Variants in QTGAL observed in about 807,000 individuals in gnomAD.
The protein encoded by QTGAL is queuosine-tRNA galactosyltransferase.
At chr17:83,005,867 G>C in the QTGAL span, 1 of 1,368,844 alleles carries the variant, frequency 7.3e-7, no homozygotes, top group Non-Finnish European at 9.5e-7. This position sits in a 1 kb window ranked among gnomAD's most constrained non-coding sequence, Gnocchi z 5.6. Context: ...GCCCTGCCCG[G>C]CCCCCTCCAG....
the QTGAL span, among the ~76,000 whole-genome samples, chr17:83,010,257 C>G: frequency 6.6e-6 from 1 of 152,130 alleles, no homozygotes; most frequent in Non-Finnish European, 1.5e-5. Flanking sequence ...GGGGCTTCGG[C>G]CGCCACTCCT....
chr17:83,027,940 C>T, the QTGAL span, among the ~76,000 whole-genome samples: 23 of 151,790 alleles, frequency 1.5e-4, no homozygotes, highest in African/African-American at 5.6e-4. Context: ...ATGGGGAAAC[C>T]CCATCTCTAC....
At chr17:82,955,349 T>A in the QTGAL span, among the ~76,000 whole-genome samples, 1 of 152,042 alleles carries the variant, frequency 6.6e-6, no homozygotes, top group East Asian at 1.9e-4. Flanking sequence ...CCAAGAAACA[T>A]GAAAAAAAGC....
chr17:83,036,450 TTA>T, the QTGAL span, among the ~76,000 whole-genome samples: 2 of 152,232 alleles, frequency 1.3e-5, no homozygotes, highest in East Asian at 1.9e-4. Flanking sequence ...TGTGTGCAGC[TTA>T]TGAACCTTCA....
the QTGAL span, among the ~76,000 whole-genome samples, chr17:83,016,416 G>C: frequency 6.6e-6 from 1 of 151,818 alleles, no homozygotes; most frequent in Non-Finnish European, 1.5e-5. Context: ...GCTGAAGAGA[G>C]GAGGCTGGGG....
At chr17:83,019,058 AGACGCACGAT>A in the QTGAL span, among the ~76,000 whole-genome samples, 1 of 152,190 alleles carries the variant, frequency 6.6e-6, no homozygotes, top group Non-Finnish European at 1.5e-5. Flanking sequence ...TGCCACCAGG[AGACGCACGAT>A]GACGCCGCCG....
At chr17:83,038,483 T>A in the QTGAL span, among the ~76,000 whole-genome samples, 2 of 152,194 alleles carry the variant, frequency 1.3e-5, no homozygotes. Flanking sequence ...ACAAGGAGTG[T>A]CACAACAGTC....
the QTGAL span, among the ~76,000 whole-genome samples, chr17:82,964,255 C>CAAAA: frequency 4.5e-3 from 327 of 72,196 alleles, 13 homozygotes; most frequent in African/African-American, 0.016. Context: ...GACCCTGTCT[C>CAAAA]AAAAAAAAAA....
At chr17:82,987,224 CTA>C in the QTGAL span, among the ~76,000 whole-genome samples, 3 of 152,168 alleles carry the variant, frequency 2.0e-5, no homozygotes, top group Non-Finnish European at 2.9e-5. Context: ...TATACACCTA[CTA>C]TGTGTCCATA....
chr17:83,006,734 G>A, the QTGAL span: 1 of 985,374 alleles, frequency 1.0e-6, no homozygotes, highest in Non-Finnish European at 1.2e-6. This position sits in a 1 kb window ranked among gnomAD's most constrained non-coding sequence, Gnocchi z 5.8. Flanking sequence ...TCGGCTCCCA[G>A]GACAGGCTTC....
the QTGAL span, among the ~76,000 whole-genome samples, chr17:82,992,102 C>A: frequency 6.6e-6 from 1 of 152,052 alleles, no homozygotes; most frequent in South Asian, 2.1e-4. Context: ...GAGTTATTGG[C>A]CCTAAAAAGG....
the QTGAL span, among the ~76,000 whole-genome samples, chr17:83,027,519 A>G: frequency 6.6e-6 from 1 of 152,100 alleles, no homozygotes; most frequent in Non-Finnish European, 1.5e-5. Context: ...TGATGTTAAC[A>G]TCTTCTGCTC....
the QTGAL span, among the ~76,000 whole-genome samples, chr17:82,967,287 C>T: frequency 1.3e-5 from 2 of 152,300 alleles, no homozygotes; most frequent in South Asian, 2.1e-4. Context: ...ACTGAGATTA[C>T]GCCAGCATCT....
chr17:83,049,408 G>A, the QTGAL span, among the ~76,000 whole-genome samples: 1 of 147,866 alleles, frequency 6.8e-6, no homozygotes, highest in Admixed American at 6.8e-5. Flanking sequence ...AAAATAACTG[G>A]TTGGTTTTTT....
the QTGAL span, among the ~76,000 whole-genome samples, chr17:82,958,353 C>T: frequency 6.6e-6 from 1 of 152,248 alleles, no homozygotes; most frequent in Non-Finnish European, 1.5e-5. Flanking sequence ...CCTGGGATGC[C>T]CTCTGCTGTG....
chr17:82,989,757 A>G, the QTGAL span, among the ~76,000 whole-genome samples: 1 of 152,262 alleles, frequency 6.6e-6, no homozygotes, highest in Non-Finnish European at 1.5e-5. Context: ...TGCAAAGGTG[A>G]AACACAAGCA....
the QTGAL span, among the ~76,000 whole-genome samples, chr17:83,031,519 T>TTCCAGCGGGGAAGGGTGTAA: frequency 1.3e-5 from 2 of 152,210 alleles, no homozygotes; most frequent in African/African-American, 2.4e-5. Flanking sequence ...GCGCCACGTT[T>TTCCAGCGGGGAAGGGTGTAA]AGACAGGGCT....
the QTGAL span, among the ~76,000 whole-genome samples, chr17:83,030,301 C>T: frequency 6.6e-6 from 1 of 152,152 alleles, no homozygotes; most frequent in Admixed American, 6.5e-5. Context: ...GAGAGGAGGG[C>T]CCAGCTCAAG....
At chr17:83,010,219 G>C in the QTGAL span, among the ~76,000 whole-genome samples, 1 of 152,068 alleles carries the variant, frequency 6.6e-6, no homozygotes, top group Non-Finnish European at 1.5e-5. Context: ...GCTGAGCCAC[G>C]CCCCAGGGTC....
Sources: gnomAD v4.1 joint callset for allele counts (sites outside exome capture counted in the v4.1 genomes callset) on GRCh38, gnomAD v4.1.1 for gene constraint, Gnocchi (gnomAD v3.1) non-coding constraint, MANE v1.5 for transcripts, NCBI Gene and HGNC (gene_info 2026-07-23, HGNC 2026-07-21) for gene names.